CNPY1: variants seen among roughly 807,000 people sequenced by gnomAD.
CNPY1 encodes the protein protein canopy homolog 1.
In CNPY1, 14 loss-of-function variants were observed where a neutral mutation model predicts 14.4. The ratio of observed to expected loss-of-function variants is 0.97; its 90% confidence interval spans 0.64 to 1.52. CNPY1 has a LOEUF of 1.52. CNPY1 is among the 40% of genes most tolerant of loss of function. The pLI is 0.00. For missense variants in CNPY1, 129 were observed against 131.5 expected (o/e 0.98, Z 0.09); for synonymous variants, 43 against 46.5 (o/e 0.92, Z 0.31).
intron 2 of CNPY1, among the ~76,000 whole-genome samples, chr7:155,525,513 T>C (rs942118347): frequency 2.6e-5 from 4 of 152,190 alleles, no homozygotes; most frequent in African/African-American, 9.6e-5. Context: ...TTTCCCCCTC[T>C]TAAACAGAAT....
intron 2 of CNPY1, among the ~76,000 whole-genome samples, chr7:155,522,281 G>A (rs561069002): frequency 1.3e-5 from 2 of 152,356 alleles, no homozygotes; most frequent in East Asian, 1.9e-4. Context: ...CCAAGAAACC[G>A]AGGCCCTGAG....
At chr7:155,542,622 G>A (rs991988575) in intron 2 of CNPY1, among the ~76,000 whole-genome samples, 25 of 152,174 alleles carry the variant, frequency 1.6e-4, no homozygotes, top group African/African-American at 5.3e-4. Context: ...CACATATCCC[G>A]GGGCTCCTGT....
At chr7:155,509,171 A>G in intron 2 of CNPY1, 74 bp from the exon 3 acceptor site, 3 of 797,114 alleles carry the variant, frequency 3.8e-6, no homozygotes, top group South Asian at 3.9e-5. Context: ...GCGAGTCCAC[A>G]TGGAAACGCC....
intron 4 of CNPY1, among the ~76,000 whole-genome samples, chr7:155,504,534 T>A (rs928670254): frequency 1.6e-4 from 24 of 152,206 alleles, no homozygotes; most frequent in Non-Finnish European, 3.1e-4. Context: ...AGAAAGGAAC[T>A]AAAGTTTCAA....
intron 2 of CNPY1, among the ~76,000 whole-genome samples, chr7:155,532,160 A>G (rs1444347180): frequency 6.6e-6 from 1 of 152,246 alleles, no homozygotes; most frequent in African/African-American, 2.4e-5. Flanking sequence ...TGGTTCTGAA[A>G]ATTCAGCGTG....
chr7:155,537,509 C>T (rs556156082), intron 2 of CNPY1, among the ~76,000 whole-genome samples: 4 of 151,738 alleles, frequency 2.6e-5, no homozygotes, highest in African/African-American at 4.8e-5. Context: ...CTGCAACCTC[C>T]GCCTCCTGGA....
chr7:155,504,646 C>A (rs1340627376), intron 4 of CNPY1, among the ~76,000 whole-genome samples: 1 of 151,584 alleles, frequency 6.6e-6, no homozygotes, highest in Non-Finnish European at 1.5e-5. Context: ...GTAGTATACA[C>A]TCAGTAAAGA....
At chr7:155,528,904 CA>C (rs1015741987) in intron 2 of CNPY1, among the ~76,000 whole-genome samples, 7 of 152,008 alleles carry the variant, frequency 4.6e-5, no homozygotes, top group South Asian at 2.1e-4. Context: ...ACTAAAAATA[CA>C]AAAAAATTAG....
chr7:155,543,026 G>A (rs1797105208), intron 2 of CNPY1, among the ~76,000 whole-genome samples: 1 of 152,118 alleles, frequency 6.6e-6, no homozygotes, highest in Non-Finnish European at 1.5e-5. Context: ...TTAGGAACTC[G>A]GATTCTCGGG....
intron 2 of CNPY1, among the ~76,000 whole-genome samples, chr7:155,519,271 C>T (rs917657818): frequency 7.9e-5 from 12 of 152,056 alleles, no homozygotes; most frequent in Admixed American, 4.6e-4. Context: ...TGCCTGTAAT[C>T]CTGCACTAGA....
chr7:155,540,255 G>C (rs985366271), intron 2 of CNPY1, among the ~76,000 whole-genome samples: 2 of 152,198 alleles, frequency 1.3e-5, no homozygotes, highest in African/African-American at 4.8e-5. Flanking sequence ...AGACAGCTTC[G>C]AAGGACTTCC....
chr7:155,514,573 G>C (rs534247370), intron 2 of CNPY1, among the ~76,000 whole-genome samples: 1 of 152,092 alleles, frequency 6.6e-6, no homozygotes, highest in Non-Finnish European at 1.5e-5. Flanking sequence ...GAATACTTGC[G>C]GGCATATGGC....
At position 155,501,229 on chromosome 7, in the gene CNPY1, T is replaced by C. The variant is rs1796096988; in HGVS notation, c.*1839A>G. 6.6e-6 allele frequency: 1 copy of C among 152,196 alleles called. No homozygotes were observed. Among genetic ancestry groups the C allele is most frequent in the South Asian group, 2.1e-4 (1 of 4,830 alleles). The allele number at this position is 152,196 out of a possible 1,614,324, so 9.4% of individuals were successfully genotyped here. ...GATAGTCACTGTAAGTCAAGGTTCC[T>C]CGCCCTCTCCATTCAAAGCAAAGCA... On this transcript the variant is annotated 3_prime_UTR_variant, in exon 5 of 5. Transcript: ENST00000636446.
At chr7:155,520,117 G>A (rs1170707448) in intron 2 of CNPY1, among the ~76,000 whole-genome samples, 1 of 152,214 alleles carries the variant, frequency 6.6e-6, no homozygotes, top group African/African-American at 2.4e-5. Context: ...TCTGGCCGAG[G>A]AATGGAAGAG....
Position 155,507,471 on chromosome 7 carries a change from T to TAAAAAAAAAAAAAAAAAAAAAAAAA in CNPY1, c.304-380_304-356dup, listed in dbSNP as rs35711313. 3.3e-4 allele frequency among the ~76,000 whole-genome samples: 18 copies of TAAAAAAAAAAAAAAAAAAAAAAAAA among 54,144 alleles called. 4 individuals are homozygous for TAAAAAAAAAAAAAAAAAAAAAAAAA. The highest frequency in any genetic ancestry group is 1.8e-3 in the African/African-American group (18 of 10,108). 35.5% of individuals were successfully genotyped at this position (54,144 alleles called of 152,430 possible). A position where few individuals can be genotyped will look rare whatever the true frequency, so the allele number is the denominator to read the frequency against. On this transcript the variant is annotated intron_variant, in intron 3 of 4. Transcript: ENST00000636446. The stretch of plus-strand genomic sequence containing the variant: ...CTGAAAAGTCCAACGGTTTTTAAAC[T>TAAAAAAAAAAAAAAAAAAAAAAAAA]AAAAAAAAAAAAAAAAAAAAAAAAA...
intron 2 of CNPY1, among the ~76,000 whole-genome samples, chr7:155,510,054 G>A (rs2116690780): frequency 6.6e-6 from 1 of 152,348 alleles, no homozygotes; most frequent in South Asian, 2.1e-4. Context: ...GCTGATCAAA[G>A]TAGGAAGTTT....
chr7:155,545,755 A>G, intron 2 of CNPY1, 76 bp downstream of exon 2: 4 of 397,094 alleles, frequency 1.0e-5, no homozygotes, highest in Non-Finnish European at 1.8e-5. Context: ...ATTAAGACCA[A>G]CTGCTGTTTG....
rs1364520 is a variant in CNPY1 at position 155,508,381 on chromosome 7, C to T, written c.303+513G>A. On this transcript the variant is annotated intron_variant, in intron 3 of 4. Transcript: ENST00000636446. ...ATACAATTCTCCCTCCTCTGTCAAG[C>T]CTTAGAAAAAAAGAGGTGGTTGCAT... Among the ~76,000 whole-genome samples, 720 of 152,276 alleles carry T rather than the reference C, an allele frequency of 4.7e-3. 3 individuals carry two copies. The highest frequency in any genetic ancestry group is 8.1e-3 in the Non-Finnish European group (553 of 68,010).
chr7:155,531,517 CCTGACTTATAGG>C (rs1242113498), intron 2 of CNPY1, among the ~76,000 whole-genome samples: 3 of 152,156 alleles, frequency 2.0e-5, no homozygotes, highest in Non-Finnish European at 1.5e-5. Context: ...ACCGGCTGGT[CCTGACTTATAGG>C]CTGCTCAAAG....
Sources: gnomAD v4.1 joint callset for allele counts (sites outside exome capture counted in the v4.1 genomes callset) on GRCh38, gnomAD v4.1.1 for gene constraint, MANE v1.5 for transcripts, NCBI Gene and HGNC (gene_info 2026-07-23, HGNC 2026-07-21) for gene names.